CDK5RAP2: variants seen among roughly 807,000 people sequenced by gnomAD.
CDK5RAP2 encodes CDK5 regulatory subunit-associated protein 2.
Under a neutral mutation model 232.9 loss-of-function variants are expected in CDK5RAP2, and 147 were observed. The ratio of observed to expected loss-of-function variants is 0.63; its 90% confidence interval spans 0.55 to 0.72. The LOEUF (loss-of-function observed/expected upper bound fraction) is 0.72, where lower values mean the gene tolerates loss of function less well. CDK5RAP2 is among the 30% of genes least tolerant of loss of function. The probability of loss-of-function intolerance (pLI) is 0.00; values close to 1 mark genes in which losing one functional copy is unlikely to be tolerated. For synonymous variants in CDK5RAP2, 833 were observed against 833.7 expected, an observed-to-expected ratio of 1.00 and a Z score of 0.01; for missense variants, 2,195 against 2,231.5, an observed-to-expected ratio of 0.98 and a Z score of 0.33.
At chr9:120,407,739 A>C in intron 31 of CDK5RAP2, 1 of 163,384 alleles carries the variant, frequency 6.1e-6, no homozygotes, top group Non-Finnish European at 1.3e-5. Flanking sequence ...ACCTCACCAC[A>C]CCTCAAAATT....
chr9:120,525,581 T>C (rs1018550745), intron 10 of CDK5RAP2, among the ~76,000 whole-genome samples: 5 of 152,006 alleles, frequency 3.3e-5, no homozygotes, highest in East Asian at 1.9e-4. Flanking sequence ...CCGATCTCGG[T>C]TGGACCTAGA....
intron 28 of CDK5RAP2, among the ~76,000 whole-genome samples, chr9:120,413,711 G>A (rs987917223): frequency 6.6e-6 from 1 of 152,112 alleles, no homozygotes; most frequent in Admixed American, 6.5e-5. Context: ...GGGCCCAGGC[G>A]TGTATTTCTT....
chr9:120,486,082 T>C (rs2038585373), intron 14 of CDK5RAP2, among the ~76,000 whole-genome samples: 1 of 152,236 alleles, frequency 6.6e-6, no homozygotes, highest in Non-Finnish European at 1.5e-5. Context: ...TCCACACCAG[T>C]TGGAAAATAA....
At chr9:120,569,355 A>G (rs570954623) in intron 2 of CDK5RAP2, among the ~76,000 whole-genome samples, 3 of 152,376 alleles carry the variant, frequency 2.0e-5, no homozygotes, top group Admixed American at 1.3e-4. Flanking sequence ...ACAACTGCAT[A>G]ATATGTTAAA....
intron 3 of CDK5RAP2, among the ~76,000 whole-genome samples, chr9:120,553,123 A>G (rs2042106001): frequency 1.3e-5 from 2 of 152,340 alleles, no homozygotes. Flanking sequence ...CAATATCTCA[A>G]TTCTTAAAGT....
At chr9:120,572,099 AAG>A in intron 1 of CDK5RAP2, 58 bp from the exon 2 acceptor site, 2 of 1,314,870 alleles carry the variant, frequency 1.5e-6, no homozygotes, top group Non-Finnish European at 2.2e-6. Context: ...AGAGACTGTT[AAG>A]ACGGTCTGGA....
chr9:120,534,106 C>A (rs997080208), intron 7 of CDK5RAP2, among the ~76,000 whole-genome samples: 3 of 152,172 alleles, frequency 2.0e-5, no homozygotes, highest in Non-Finnish European at 4.4e-5. Context: ...TGAAGCCCCA[C>A]CTTTAACTCT....
chr9:120,421,587 C>A (rs1408584582), intron 26 of CDK5RAP2, among the ~76,000 whole-genome samples: 1 of 152,158 alleles, frequency 6.6e-6, no homozygotes, highest in African/African-American at 2.4e-5. Flanking sequence ...AGGACCACAT[C>A]TTTAAAGAAG....
chr9:120,428,125 A>G (rs2035037869), intron 25 of CDK5RAP2, among the ~76,000 whole-genome samples: 1 of 152,244 alleles, frequency 6.6e-6, no homozygotes, highest in Non-Finnish European at 1.5e-5. Flanking sequence ...AGGGAAATTT[A>G]TAGCACTAAA....
intron 18 of CDK5RAP2, 34 bp downstream of exon 18, chr9:120,467,826 G>T (rs1478014104): frequency 1.2e-6 from 2 of 1,611,250 alleles, no homozygotes; most frequent in African/African-American, 2.7e-5. Context: ...TTATATTTTT[G>T]TAATCAGCAC....
intron 25 of CDK5RAP2, among the ~76,000 whole-genome samples, chr9:120,435,660 A>G (rs2035541399): frequency 6.6e-6 from 1 of 152,162 alleles, no homozygotes; most frequent in Admixed American, 6.5e-5. Flanking sequence ...AGCATGGAAA[A>G]TCTATTTTGT....
chr9:120,436,502 G>GAAA (rs1238271371), intron 25 of CDK5RAP2, among the ~76,000 whole-genome samples: 1 of 152,158 alleles, frequency 6.6e-6, no homozygotes, highest in African/African-American at 2.4e-5. Flanking sequence ...CTGTATATTA[G>GAAA]ATAATAGTAT....
intron 36 of CDK5RAP2, 137 bp from the exon 37 acceptor site, chr9:120,389,924 AC>A: frequency 1.3e-6 from 1 of 768,680 alleles, no homozygotes. Flanking sequence ...AAGCATCCAG[AC>A]CAGAGGGAGG....
intron 25 of CDK5RAP2, among the ~76,000 whole-genome samples, chr9:120,434,987 T>A (rs2035492759): frequency 6.6e-6 from 1 of 152,178 alleles, no homozygotes. Flanking sequence ...GGATACAGTT[T>A]TGACTCTGGA....
intron 2 of CDK5RAP2, among the ~76,000 whole-genome samples, chr9:120,568,925 T>C (rs2042745600): frequency 6.6e-6 from 1 of 152,192 alleles, no homozygotes. Context: ...AAAAGTTTAT[T>C]TTCAAAAGCA....
At chr9:120,449,688 C>A (rs1292574952) in intron 21 of CDK5RAP2, among the ~76,000 whole-genome samples, 5 of 152,140 alleles carry the variant, frequency 3.3e-5, no homozygotes, top group African/African-American at 4.8e-5. Context: ...AACAAATAAT[C>A]CAATTAAAAG....
chr9:120,568,705 G>A (rs2042736741), intron 2 of CDK5RAP2, among the ~76,000 whole-genome samples: 1 of 152,166 alleles, frequency 6.6e-6, no homozygotes, highest in South Asian at 2.1e-4. Flanking sequence ...ACTGAACAGA[G>A]TGTCATCTTC....
intron 21 of CDK5RAP2, among the ~76,000 whole-genome samples, chr9:120,448,456 T>C (rs1478128911): frequency 6.6e-6 from 1 of 152,228 alleles, no homozygotes; most frequent in African/African-American, 2.4e-5. Context: ...TCTATTTCCT[T>C]GTTTCCCAAA....
chr9:120,496,981 G>A (rs1363503372), intron 12 of CDK5RAP2, among the ~76,000 whole-genome samples: 1 of 138,484 alleles, frequency 7.2e-6, no homozygotes, highest in Non-Finnish European at 1.5e-5. Flanking sequence ...CGGGAAAGGT[G>A]GGGAAAAGAT....
Sources: gnomAD v4.1 joint callset for allele counts (sites outside exome capture counted in the v4.1 genomes callset) on GRCh38, gnomAD v4.1.1 for gene constraint, MANE v1.5 for transcripts, NCBI Gene and HGNC (gene_info 2026-07-23, HGNC 2026-07-21) for gene names.